TLN2: variants seen among roughly 807,000 people sequenced by gnomAD.
TLN2 encodes the protein talin-2.
Under a neutral mutation model 294.7 loss-of-function variants are expected in TLN2, and 118 were observed. The observed-to-expected ratio is 0.40, with a 90% CI of 0.34 to 0.47. The LOEUF (loss-of-function observed/expected upper bound fraction) is 0.47, where lower values mean the gene tolerates loss of function less well. Ranked by LOEUF, TLN2 falls within the 20% of genes least tolerant of loss-of-function variation. TLN2 has a pLI of 0.84. For missense variants in TLN2, 3,083 were observed against 3,282.2 expected, an observed-to-expected ratio of 0.94 and a Z score of 1.48; for synonymous variants, 1,431 against 1,304.5, an observed-to-expected ratio of 1.10 and a Z score of -2.09.
intron 22 of TLN2, among the ~76,000 whole-genome samples, chr15:62,714,663 T>C (rs1046995525): frequency 1.3e-5 from 2 of 152,194 alleles, no homozygotes; most frequent in African/African-American, 2.4e-5. Context: ...TAGTTAAAAG[T>C]TTTCATTTTG....
chr15:62,770,899 A>G, intron 41 of TLN2, 65 bp from the exon 42 acceptor site: 2 of 1,537,742 alleles, frequency 1.3e-6, no homozygotes, highest in Non-Finnish European at 8.7e-7. Context: ...CTGACTGTGG[A>G]GCCCCTGAAG....
chr15:62,552,452 C>G (rs1344341222), intron 1 of TLN2, among the ~76,000 whole-genome samples: 1 of 152,142 alleles, frequency 6.6e-6, no homozygotes, highest in Non-Finnish European at 1.5e-5. Context: ...GTGCACATTC[C>G]TAGCTGAGAT....
At chr15:62,667,168 A>C (rs145724075) in intron 9 of TLN2, among the ~76,000 whole-genome samples, 11 of 151,988 alleles carry the variant, frequency 7.2e-5, no homozygotes, top group East Asian at 3.9e-4. Context: ...GGGTTTCACC[A>C]TGTTAGCCAG....
intron 1 of TLN2, among the ~76,000 whole-genome samples, chr15:62,551,258 C>T (rs753650964): frequency 8.5e-5 from 13 of 152,210 alleles, no homozygotes; most frequent in Non-Finnish European, 1.5e-4. Context: ...TACTGTGTGG[C>T]GTGGTTCCTA....
rs541590431 is a variant in TLN2 at position 62,664,737 on chromosome 15, A to G, written c.788+6839A>G. Among the ~76,000 whole-genome samples, 137 of 151,528 alleles carry G rather than the reference A, an allele frequency of 9.0e-4. 4 individuals are homozygous for G. The highest frequency in any genetic ancestry group is 3.1e-3 in the African/African-American group (127 of 41,146). On this transcript the variant is annotated intron_variant, in intron 9 of 58. Coordinates refer to ENST00000636159, the MANE Select transcript of TLN2 (RefSeq NM_015059.3). ...GCTGGGCGTGATGGTGCATGCCTGT[A>G]ATCCCAGCTACTCGGGAGGCTGAGG...
Position 62,844,333 on chromosome 15 carries a change from TAC to T in TLN2, c.*3725_*3726del, listed in dbSNP as rs1255874853. 2 of 152,094 alleles carry T rather than the reference TAC, an allele frequency of 1.3e-5. No homozygotes were observed. The highest frequency in any genetic ancestry group is 4.8e-5 in the African/African-American group (2 of 41,412). The allele number at this position is 152,094 out of a possible 1,614,324, so 9.4% of individuals were successfully genotyped here. On this transcript the variant is annotated 3_prime_UTR_variant, in exon 59 of 59. Transcript: ENST00000636159. ...AGTTTGGGTTGATTCTTTTAAATGCTACAAACAAGAGCTATTTCTTTTCAATA... is the reference window on the plus strand; with the variant it reads ...AGTTTGGGTTGATTCTTTTAAATGCTAAACAAGAGCTATTTCTTTTCAATA...
chr15:62,593,104 G>A (rs1030422613), intron 2 of TLN2, among the ~76,000 whole-genome samples: 9 of 152,314 alleles, frequency 5.9e-5, no homozygotes, highest in African/African-American at 2.2e-4. Flanking sequence ...GAGGATCTTT[G>A]CAGCTCTTTG....
chr15:62,800,416 C>T lies in TLN2; in HGVS notation c.6283C>T (p.Leu2095Phe), dbSNP rs1419413182. Residue 2095 changes from leucine (L) to phenylalanine (F), a missense_variant, in exon 49 of 59, where the codon CTC becomes TTC. By Grantham distance (22) the Leu-to-Phe change is conservative (BLOSUM62 0). Coordinates refer to ENST00000636159, the MANE Select transcript of TLN2 (RefSeq NM_015059.3). Reference protein sequence around the residue: ...IKDVAKALSDLISATKGAASK... With the variant: ...IKDVAKALSDFISATKGAASK... ...AGATGTGGCCAAGGCCCTTTCTGAT[C>T]TCATCAGTGCTACCAAGGGAGCTGC... 10 of 1,614,190 alleles carry T rather than the reference C, an allele frequency of 6.2e-6. No homozygotes were observed. Among genetic ancestry groups the T allele is most frequent in the Non-Finnish European group, 8.5e-6 (10 of 1,180,036 alleles).
At chr15:62,557,615 C>T (rs2042680412) in intron 1 of TLN2, among the ~76,000 whole-genome samples, 1 of 152,168 alleles carries the variant, frequency 6.6e-6, no homozygotes, top group South Asian at 2.1e-4. Flanking sequence ...CTGCAACCTC[C>T]ACCTCCACCT....
chr15:62,582,242 A>C (rs1185416307), intron 1 of TLN2, among the ~76,000 whole-genome samples: 10 of 140,978 alleles, frequency 7.1e-5, no homozygotes, highest in African/African-American at 2.6e-4. Flanking sequence ...ACACACACAC[A>C]CACACATTCA....
chr15:62,838,835 T>G, intron 57 of TLN2, 21 bp from the exon 58 acceptor site: 1 of 1,612,778 alleles, frequency 6.2e-7, no homozygotes, highest in Non-Finnish European at 8.5e-7. Context: ...TGATATAATG[T>G]ATGTTTTGTT....
intron 1 of TLN2, among the ~76,000 whole-genome samples, chr15:62,482,881 C>G (rs2140388487): frequency 6.6e-6 from 1 of 152,258 alleles, no homozygotes; most frequent in South Asian, 2.1e-4. Flanking sequence ...CCCCAGCCCT[C>G]CCTGAGGGCT....
chr15:62,708,674 A>G lies in TLN2; in HGVS notation c.2345A>G (p.His782Arg). 3.1e-6 allele frequency: 5 copies of G among 1,614,126 alleles called. No homozygotes were observed. Among genetic ancestry groups the G allele is most frequent in the Non-Finnish European group, 4.2e-6 (5 of 1,180,032 alleles). The change falls in exon 21 of 59, where the codon CAT (histidine) becomes CGT (arginine). Residue 782 changes from histidine to arginine, a missense_variant. By Grantham distance (29) the His-to-Arg change is conservative. Transcript: ENST00000636159. ...AAASVVSQAL[H>R]DLLQHVRQFA... ...GCCAGCGTGGTCAGCCAGGCCCTCCATGATCTCCTGCAGCATGTGCGGCAG... is the reference window on the plus strand; with the variant it reads ...GCCAGCGTGGTCAGCCAGGCCCTCCGTGATCTCCTGCAGCATGTGCGGCAG...
At chr15:62,707,632 C>T (rs2059150167) in intron 20 of TLN2, among the ~76,000 whole-genome samples, 1 of 152,200 alleles carries the variant, frequency 6.6e-6, no homozygotes, top group Non-Finnish European at 1.5e-5. Context: ...CTAGGCTGCA[C>T]AGGGTCCGAG....
intron 1 of TLN2, among the ~76,000 whole-genome samples, chr15:62,507,055 G>C (rs1778893943): frequency 6.6e-6 from 1 of 152,052 alleles, no homozygotes; most frequent in African/African-American, 2.4e-5. Context: ...GCTGATATAA[G>C]GATTAGAAAT....
intron 1 of TLN2, among the ~76,000 whole-genome samples, chr15:62,475,966 G>C (rs374620311): frequency 3.9e-5 from 6 of 152,210 alleles, no homozygotes; most frequent in East Asian, 1.9e-4. Context: ...GTTCCTCGCT[G>C]CTGATTTAGG....
chr15:62,442,764 G>T (rs969214401), intron 1 of TLN2, among the ~76,000 whole-genome samples: 1 of 152,112 alleles, frequency 6.6e-6, no homozygotes, highest in African/African-American at 2.4e-5. Flanking sequence ...TACACATTTA[G>T]TAGCTTAAAG....
intron 1 of TLN2, among the ~76,000 whole-genome samples, chr15:62,499,596 C>G (rs1460360330): frequency 6.6e-6 from 1 of 152,100 alleles, no homozygotes; most frequent in Non-Finnish European, 1.5e-5. Context: ...CTTAAATTAG[C>G]AAGGTTTCTC....
chr15:62,697,927 G>T lies in TLN2; in HGVS notation c.1473+59G>T, dbSNP rs542109499. The T allele has an allele frequency of 4.3e-5, 68 of 1,566,394 alleles. No individual in the cohort carries two copies. The Admixed American group carries it at 7.6e-4, about 18-fold the overall frequency. ...GTCTGCTGCCTCCCGCATGCAGGGT[G>T]GACACCAGCGGCGGTGATGGGCTGA... On this transcript the variant is annotated intron_variant, in intron 15 of 58. Coordinates refer to ENST00000636159, the MANE Select transcript of TLN2 (RefSeq NM_015059.3).
Sources: gnomAD v4.1 joint callset for allele counts (sites outside exome capture counted in the v4.1 genomes callset) on GRCh38, gnomAD v4.1.1 for gene constraint, MANE v1.5 for transcripts, NCBI Gene and HGNC (gene_info 2026-07-23, HGNC 2026-07-21) for gene names.